DDX10: variants seen among roughly 807,000 people sequenced by gnomAD.
The protein encoded by DDX10 is DEAD-box helicase 10.
DDX10 carries 74 observed loss-of-function variants against 104.3 expected under a neutral mutation model. That is an observed-to-expected ratio of 0.71 (90% confidence interval 0.59 to 0.86). The LOEUF (loss-of-function observed/expected upper bound fraction) is 0.86. Ranked by LOEUF, DDX10 falls within the 40% of genes least tolerant of loss-of-function variation. DDX10 has a pLI of 0.00. For missense variants in DDX10, 952 were observed against 1,040.0 expected, an observed-to-expected ratio of 0.92 and a Z score of 1.16; for synonymous variants, 351 against 353.4, an observed-to-expected ratio of 0.99 and a Z score of 0.08.
At chr11:108,925,064 A>G (rs527742578) in intron 17 of DDX10, among the ~76,000 whole-genome samples, 5 of 152,328 alleles carry the variant, frequency 3.3e-5, no homozygotes, top group East Asian at 1.9e-4. Context: ...GCAACTTTCA[A>G]GAGAAAATCT....
chr11:108,810,496 A>T (rs751086590), intron 13 of DDX10, among the ~76,000 whole-genome samples: 15 of 152,058 alleles, frequency 9.9e-5, no homozygotes, highest in South Asian at 2.1e-4. Context: ...TGTGTGTGTG[A>T]GAGAGAGAAA....
In DDX10 at chr11:108,723,320, C is replaced by T. The variant is rs758871651; in HGVS notation, c.1823C>T (p.Pro608Leu). ...AAAGGATCTCAAGCCCCATCTCTTC[C>T]TAACACCAGTGAGGCACAGAAGATC... ...KAKGSQAPSL[P>L]NTSEAQKIKE... The change falls in exon 13 of 18, where the codon CCT becomes CTT. Residue 608 changes from proline (P) to leucine (L), a missense_variant. This residue lies in a region of DDX10 where 533 missense variants were observed against 534.1 expected (regional missense o/e 1.00). Coordinates refer to ENST00000322536, the MANE Select transcript of DDX10 (RefSeq NM_004398.4). 126 of 1,613,780 alleles carry T rather than the reference C, an allele frequency of 7.8e-5. No individual in the cohort carries two copies. Among genetic ancestry groups the T allele is most frequent in the Admixed American group, 4.2e-4 (25 of 59,946 alleles).
At chr11:108,867,450 A>G (rs966632731) in intron 16 of DDX10, among the ~76,000 whole-genome samples, 1 of 152,186 alleles carries the variant, frequency 6.6e-6, no homozygotes, top group Non-Finnish European at 1.5e-5. Flanking sequence ...ATAATTTTTA[A>G]AATTGAGATC....
At chr11:108,678,224 G>A (rs2094228735) in intron 4 of DDX10, 91 bp from the exon 5 acceptor site, 1 of 1,291,908 alleles carries the variant, frequency 7.7e-7, no homozygotes, top group Non-Finnish European at 1.0e-6. Flanking sequence ...ATGTTGTGAT[G>A]AAATGCCCAT....
chr11:108,928,324 ATGCC>A (rs1863934132), intron 17 of DDX10, among the ~76,000 whole-genome samples: 1 of 152,186 alleles, frequency 6.6e-6, no homozygotes, highest in Non-Finnish European at 1.5e-5. Context: ...AATTTAAACT[ATGCC>A]TGATCCTGGC....
At chr11:108,797,406 C>T (rs1291926358) in intron 13 of DDX10, among the ~76,000 whole-genome samples, 1 of 152,188 alleles carries the variant, frequency 6.6e-6, no homozygotes, top group Non-Finnish European at 1.5e-5. Context: ...ACAATATTTG[C>T]ATCTGATTTA....
At chr11:108,896,615 A>G (rs896928024) in intron 16 of DDX10, among the ~76,000 whole-genome samples, 1 of 152,220 alleles carries the variant, frequency 6.6e-6, no homozygotes, top group Non-Finnish European at 1.5e-5. Context: ...GGTTTTTAGC[A>G]GAATATTCAC....
chr11:108,751,571 C>G (rs1346179994), intron 13 of DDX10, among the ~76,000 whole-genome samples: 1 of 152,114 alleles, frequency 6.6e-6, no homozygotes, highest in East Asian at 1.9e-4. Context: ...TACAACATTA[C>G]TCTGAGAAGA....
chr11:108,885,487 A>T (rs1445964903), intron 16 of DDX10, among the ~76,000 whole-genome samples: 1 of 151,752 alleles, frequency 6.6e-6, no homozygotes, highest in African/African-American at 2.4e-5. Flanking sequence ...ACTCTCGAGT[A>T]GCTGGGATTA....
At chr11:108,898,104 A>C (rs1327391678) in intron 16 of DDX10, among the ~76,000 whole-genome samples, 1 of 152,190 alleles carries the variant, frequency 6.6e-6, no homozygotes, top group Non-Finnish European at 1.5e-5. Context: ...ACATTTGTAT[A>C]TACAGTGCCT....
chr11:108,923,352 A>G (rs948298008), intron 17 of DDX10, among the ~76,000 whole-genome samples: 6 of 152,366 alleles, frequency 3.9e-5, no homozygotes, highest in Admixed American at 2.6e-4. Context: ...TTCATTTCAA[A>G]TAGTCCATAC....
intron 16 of DDX10, among the ~76,000 whole-genome samples, chr11:108,905,758 C>G (rs1453628306): frequency 1.3e-5 from 2 of 152,016 alleles, no homozygotes; most frequent in Non-Finnish European, 2.9e-5. Flanking sequence ...TAAAAAAATA[C>G]CTGAGACTTG....
chr11:108,804,553 G>GA, intron 13 of DDX10, among the ~76,000 whole-genome samples: 1 of 146,774 alleles, frequency 6.8e-6, no homozygotes. Context: ...ATTTTCAACT[G>GA]AAAACACGTG....
intron 13 of DDX10, among the ~76,000 whole-genome samples, chr11:108,759,914 A>G (rs2094348688): frequency 6.6e-6 from 1 of 151,438 alleles, no homozygotes; most frequent in African/African-American, 2.4e-5. Context: ...TTTTGTGTGG[A>G]ATGTGTTTTC....
In DDX10 at chr11:108,709,923, G is replaced by T. The variant is rs144745433; in HGVS notation, c.1322+3086G>T. ...ATGTTGCTTAATGATGGGAATAAGT[G>T]TGAGCAATGGATCATTAATTTTAGG... On this transcript the variant is annotated intron_variant, in intron 10 of 17. Transcript: ENST00000322536. 7.3e-4 allele frequency among the ~76,000 whole-genome samples: 111 copies of T among 152,220 alleles called. 2 individuals are homozygous for T. The East Asian group carries it at 0.02, about 28-fold the overall frequency.
At chr11:108,728,461 TAAC>T (rs1009743078) in intron 13 of DDX10, among the ~76,000 whole-genome samples, 3 of 150,688 alleles carry the variant, frequency 2.0e-5, no homozygotes, top group East Asian at 3.9e-4. Context: ...CACCTAGAGA[TAAC>T]AACTGTCTTT....
At chr11:108,932,965 G>T (rs1326372460) in intron 17 of DDX10, among the ~76,000 whole-genome samples, 1 of 151,894 alleles carries the variant, frequency 6.6e-6, no homozygotes, top group East Asian at 1.9e-4. Flanking sequence ...TGATACCTTT[G>T]TCTTGAAGTC....
chr11:108,867,685 A>G (rs1319290125), intron 16 of DDX10, among the ~76,000 whole-genome samples: 1 of 152,226 alleles, frequency 6.6e-6, no homozygotes, highest in Admixed American at 6.5e-5. Context: ...ACACTGCGGA[A>G]GATAAATAGC....
In DDX10 at chr11:108,677,188, T is replaced by C. The variant is rs915736915; in HGVS notation, c.482T>C (p.Leu161Pro). 1 of 1,613,890 alleles carries C rather than the reference T, an allele frequency of 6.2e-7. No individual in the cohort carries two copies. The highest frequency in any genetic ancestry group is 1.3e-5 in the African/African-American group (1 of 74,886). Reference protein sequence around the residue: ...RELAYQTFEVLRKVGKNHDFS... With the variant: ...RELAYQTFEVPRKVGKNHDFS... ...CTGGCCTATCAGACCTTTGAGGTTC[T>C]CCGAAAAGTAGGAAAGAATCATGAC... is the stretch of plus-strand genomic sequence containing the variant. The change falls in exon 4 of 18, where the codon CTC (leucine) becomes CCC (proline). Residue 161 changes from leucine (L) to proline (P), a missense_variant. Around this residue, in one of 3 missense-constraint regions of DDX10, gnomAD observed 412 missense variants for 479.2 expected, o/e 0.86. Transcript: ENST00000322536.
Sources: gnomAD v4.1 joint callset for allele counts (sites outside exome capture counted in the v4.1 genomes callset) on GRCh38, gnomAD v4.1.1 for gene constraint, gnomAD v4.1.1 regional missense constraint, MANE v1.5 for transcripts, NCBI Gene and HGNC (gene_info 2026-07-23, HGNC 2026-07-21) for gene names.